The following SOCS6 variants were observed in gnomAD, a reference collection of about 807,000 sequenced individuals.
SOCS6 encodes the protein suppressor of cytokine signaling 6, also known as STAT induced STAT inhibitor-4.
SOCS6 carries 5 observed loss-of-function variants against 27.7 expected under a neutral mutation model. That is an observed-to-expected ratio of 0.18 (90% CI 0.09 to 0.38). The LOEUF is 0.38. Among genes scored for constraint, SOCS6 ranks in the 10% least tolerant of loss-of-function variants. The probability of loss-of-function intolerance (pLI) is 1.00; values close to 1 mark genes in which losing one functional copy is unlikely to be tolerated. For missense variants in SOCS6, 595 were observed against 688.1 expected, an observed-to-expected ratio of 0.86 and a Z score of 1.51; for synonymous variants, 271 against 260.0, an observed-to-expected ratio of 1.04 and a Z score of -0.41.
Position 70,325,202 on chromosome 18 carries a change from C to G in SOCS6, c.534C>G (p.Leu178=). 2 of 1,614,160 alleles carry G rather than the reference C, an allele frequency of 1.2e-6. No homozygotes were observed. The highest frequency in any genetic ancestry group is 1.7e-6 in the Non-Finnish European group (2 of 1,179,998). ...LNGVRKDFHD[L]QSETTCQEQA... ...GCGTCCGGAAGGATTTCCACGACCT[C>G]CAGTCTGAGACCACGTGCCAGGAGC... The change falls in exon 2 of 2, where the codon CTC becomes CTG. Residue 178 remains leucine, a synonymous_variant. Transcript: ENST00000397942. This position sits in a 1 kb window ranked among gnomAD's most constrained non-coding sequence, Gnocchi z 6.3.
At chr18:70,303,681 T>C (rs1209974642) in intron 1 of SOCS6, among the ~76,000 whole-genome samples, 1 of 152,078 alleles carries the variant, frequency 6.6e-6, no homozygotes, top group African/African-American at 2.4e-5. Context: ...TATTTCCAGC[T>C]ACAGGAGGCT....
chr18:70,326,748 T>A lies in SOCS6; in HGVS notation c.*472T>A, dbSNP rs1287678467. ...TACCTGTGTGATAAAACACAGAATTTACATATACACTGAAGATGAGTTTTT... is the reference window on the plus strand; with the variant it reads ...TACCTGTGTGATAAAACACAGAATTAACATATACACTGAAGATGAGTTTTT... On this transcript the variant is annotated 3_prime_UTR_variant, in exon 2 of 2. Transcript: ENST00000397942. 5.8e-6 allele frequency: 1 copy of A among 171,994 alleles called. No individual in the cohort carries two copies. Among genetic ancestry groups the A allele is most frequent in the Non-Finnish European group, 1.4e-5 (1 of 70,944 alleles). 10.7% of individuals were successfully genotyped at this position (171,994 alleles called of 1,614,324 possible).
chr18:70,325,985 G>T lies in SOCS6; in HGVS notation c.1317G>T (p.Arg439Ser), dbSNP rs1217540066. 6.2e-7 allele frequency: 1 copy of T among 1,614,242 alleles called. No individual in the cohort carries two copies. The highest frequency in any genetic ancestry group is 8.5e-7 in the Non-Finnish European group (1 of 1,180,050). Reference protein sequence around the residue: ...LHTRIEHSNGRFSFYEQPDVE... With the variant: ...LHTRIEHSNGSFSFYEQPDVE... ...CTAGAATTGAGCACTCAAATGGTAG[G>T]TTTAGCTTTTATGAACAGCCAGATG... is the stretch of plus-strand genomic sequence containing the variant. The change falls in exon 2 of 2, where the codon AGG becomes AGT. Residue 439 changes from arginine (R) to serine (S), a missense_variant. By Grantham distance (110) the Arg-to-Ser change is moderately radical. Coordinates refer to ENST00000397942, the MANE Select transcript of SOCS6 (RefSeq NM_004232.4). This position sits in a 1 kb window ranked among gnomAD's most constrained non-coding sequence, Gnocchi z 6.3.
At chr18:70,321,016 C>G (rs1910965280) in intron 1 of SOCS6, among the ~76,000 whole-genome samples, 2 of 152,032 alleles carry the variant, frequency 1.3e-5, no homozygotes. Flanking sequence ...GTGGCTCATA[C>G]CTGTAATCCC....
chr18:70,311,564 G>A (rs1029176122), intron 1 of SOCS6, among the ~76,000 whole-genome samples: 5 of 152,178 alleles, frequency 3.3e-5, no homozygotes, highest in African/African-American at 1.2e-4. Flanking sequence ...ATGTAAAATC[G>A]GCTCGATGGT....
At chr18:70,320,331 A>G (rs898204859) in intron 1 of SOCS6, among the ~76,000 whole-genome samples, 2 of 152,202 alleles carry the variant, frequency 1.3e-5, no homozygotes, top group Non-Finnish European at 2.9e-5. Context: ...TAGATTTTAC[A>G]GGGCAATTTA....
chr18:70,326,003 G>T lies in SOCS6; in HGVS notation c.1335G>T (p.Gln445His). ...ATGGTAGGTTTAGCTTTTATGAACAGCCAGATGTGGAAGGACATACGTCCA... is the reference window on the plus strand; with the variant it reads ...ATGGTAGGTTTAGCTTTTATGAACATCCAGATGTGGAAGGACATACGTCCA... ...HSNGRFSFYEQPDVEGHTSIV... is the reference protein window; with the variant it reads ...HSNGRFSFYEHPDVEGHTSIV... Residue 445 changes from glutamine to histidine, a missense_variant, in exon 2 of 2, where the codon CAG (glutamine) becomes CAT (histidine). Transcript: ENST00000397942. The T allele has an allele frequency of 6.2e-7, 1 of 1,614,238 alleles. No individual in the cohort carries two copies. Among genetic ancestry groups the T allele is most frequent in the African/African-American group, 1.3e-5 (1 of 75,056 alleles).
chr18:70,319,991 C>G (rs936210677), intron 1 of SOCS6, among the ~76,000 whole-genome samples: 15 of 150,494 alleles, frequency 1.0e-4, no homozygotes, highest in African/African-American at 3.7e-4. Flanking sequence ...TGATAAAATT[C>G]AAAGTTTCTT....
intron 1 of SOCS6, among the ~76,000 whole-genome samples, chr18:70,308,354 G>T (rs1228706428): frequency 6.6e-6 from 1 of 151,812 alleles, no homozygotes; most frequent in Non-Finnish European, 1.5e-5. Flanking sequence ...TGTAGCTGGG[G>T]CTACAGGCAT....
chr18:70,324,599 C>A lies in SOCS6; in HGVS notation c.-70C>A. On this transcript the variant is annotated 5_prime_UTR_variant, in exon 2 of 2. Coordinates refer to ENST00000397942, the MANE Select transcript of SOCS6 (RefSeq NM_004232.4). ...AAAATACATAGATGCAGCCTTGCAG[C>A]CTCTCCAGATGTTTGGGGATAATAT... 9.6e-7 allele frequency: 1 copy of A among 1,042,238 alleles called. No homozygotes were observed. The highest frequency in any genetic ancestry group is 1.4e-6 in the Non-Finnish European group (1 of 708,280). The allele number at this position is 1,042,238 out of a possible 1,614,324, so 64.6% of individuals were successfully genotyped here.
chr18:70,293,847 C>T (rs1207006595), intron 1 of SOCS6, among the ~76,000 whole-genome samples: 1 of 152,160 alleles, frequency 6.6e-6, no homozygotes, highest in Non-Finnish European at 1.5e-5. Context: ...AATCCCACCA[C>T]TTTGCGGGGC....
chr18:70,320,386 G>C (rs1270668716), intron 1 of SOCS6, among the ~76,000 whole-genome samples: 1 of 152,076 alleles, frequency 6.6e-6, no homozygotes, highest in Non-Finnish European at 1.5e-5. Context: ...TAGTATCAAA[G>C]AAAAATATCC....
intron 1 of SOCS6, among the ~76,000 whole-genome samples, chr18:70,290,046 A>G (rs548173319): frequency 9.2e-5 from 14 of 152,232 alleles, no homozygotes; most frequent in African/African-American, 3.4e-4. Context: ...ATGTGGCGGG[A>G]CTCAGTCTTC....
chr18:70,304,223 C>G (rs1244016926), intron 1 of SOCS6, among the ~76,000 whole-genome samples: 1 of 134,848 alleles, frequency 7.4e-6, no homozygotes, highest in Non-Finnish European at 1.6e-5. Flanking sequence ...GATACAAGGT[C>G]AATGCAACAG....
intron 1 of SOCS6, among the ~76,000 whole-genome samples, chr18:70,320,485 TAG>T (rs1910943787): frequency 6.6e-6 from 1 of 152,152 alleles, no homozygotes; most frequent in South Asian, 2.1e-4. Context: ...TTCTTACAGG[TAG>T]TCCCCTATGC....
chr18:70,310,467 G>GTTTT (rs1332886593), intron 1 of SOCS6, among the ~76,000 whole-genome samples: 5 of 139,532 alleles, frequency 3.6e-5, no homozygotes, highest in African/African-American at 1.4e-4. Flanking sequence ...TTTTTTGTGG[G>GTTTT]GTTTTTTTTT....
chr18:70,300,211 C>CT (rs1235144547), intron 1 of SOCS6, among the ~76,000 whole-genome samples: 2 of 152,094 alleles, frequency 1.3e-5, no homozygotes, highest in Non-Finnish European at 2.9e-5. Context: ...ACTGCAACCT[C>CT]TGTCTCCTGG....
intron 1 of SOCS6, among the ~76,000 whole-genome samples, chr18:70,305,105 G>A (rs576322098): frequency 8.2e-6 from 1 of 122,220 alleles, no homozygotes; most frequent in African/African-American, 3.2e-5. Flanking sequence ...TATTGGGGAG[G>A]CCGACGCAGG....
At chr18:70,308,657 CT>C (rs1384097938) in intron 1 of SOCS6, among the ~76,000 whole-genome samples, 1 of 152,078 alleles carries the variant, frequency 6.6e-6, no homozygotes, top group Non-Finnish European at 1.5e-5. Flanking sequence ...ATGAAATTGG[CT>C]TTTTGAAATC....
Sources: gnomAD v4.1 joint callset for allele counts (sites outside exome capture counted in the v4.1 genomes callset) on GRCh38, gnomAD v4.1.1 for gene constraint, Gnocchi (gnomAD v3.1) non-coding constraint, MANE v1.5 for transcripts, NCBI Gene and HGNC (gene_info 2026-07-23, HGNC 2026-07-21) for gene names.